Variants in KAZN observed in about 807,000 individuals in gnomAD.
KAZN encodes the protein kazrin, periplakin interacting protein.
Under a neutral mutation model 87.4 loss-of-function variants are expected in KAZN, and 40 were observed. The observed-to-expected ratio is 0.46, with a 90% CI of 0.36 to 0.60. The LOEUF (loss-of-function observed/expected upper bound fraction) is 0.60, where lower values mean the gene tolerates loss of function less well. Among genes scored for constraint, KAZN ranks in the 20% least tolerant of loss-of-function variants. The probability of loss-of-function intolerance (pLI) is 0.00; values close to 1 mark genes in which losing one functional copy is unlikely to be tolerated. For missense variants in KAZN, 898 were observed against 1,073.9 expected (o/e 0.84, Z 2.29); for synonymous variants, 466 against 458.3 (o/e 1.02, Z -0.22).
chr1:14,604,551 G>A (rs1008577564), intron 1 of KAZN, among the ~76,000 whole-genome samples: 15 of 152,364 alleles, frequency 9.8e-5, no homozygotes, highest in Non-Finnish European at 2.2e-4. Flanking sequence ...TGGAGGCGAG[G>A]TTGTGCTCTG....
intron 2 of KAZN, among the ~76,000 whole-genome samples, chr1:15,012,892 G>A (rs938251): frequency 0.81 from 123,385 of 152,122 alleles, 50,585 homozygotes; most frequent in South Asian, 0.88. Flanking sequence ...ACTTAACTCC[G>A]GCCTCGGCAA....
At chr1:14,861,173 T>C (rs1650803866) in intron 1 of KAZN, among the ~76,000 whole-genome samples, 1 of 152,202 alleles carries the variant, frequency 6.6e-6, no homozygotes, top group Non-Finnish European at 1.5e-5. Flanking sequence ...AGGTCAGGAA[T>C]TTGAGACCAG....
intron 1 of KAZN, among the ~76,000 whole-genome samples, chr1:14,826,704 T>C (rs535973576): frequency 6.6e-6 from 1 of 152,294 alleles, no homozygotes; most frequent in Admixed American, 6.5e-5. Flanking sequence ...TCTCGGTTTT[T>C]ACAGAACCTG....
At chr1:14,433,604 T>C (rs749382500) in intron 2 of KAZN, among the ~76,000 whole-genome samples, 5 of 152,154 alleles carry the variant, frequency 3.3e-5, no homozygotes, top group Non-Finnish European at 5.9e-5. Context: ...AAGCCTGTAA[T>C]CCCAGCACTT....
intron 2 of KAZN, among the ~76,000 whole-genome samples, chr1:14,231,231 T>TC (rs1647798355): frequency 6.6e-6 from 1 of 152,216 alleles, no homozygotes; most frequent in South Asian, 2.1e-4. Flanking sequence ...GAGATGACTG[T>TC]CATCAAATGA....
intron 2 of KAZN, among the ~76,000 whole-genome samples, chr1:14,999,501 T>TCCC (rs1049861453): frequency 4.0e-5 from 3 of 74,668 alleles, no homozygotes; most frequent in African/African-American, 2.2e-4. Context: ...CCTGCCCCCC[T>TCCC]CCCCCCGCCC....
chr1:14,730,303 C>T (rs994558782), intron 1 of KAZN, among the ~76,000 whole-genome samples: 4 of 152,132 alleles, frequency 2.6e-5, no homozygotes, highest in Admixed American at 6.5e-5. Flanking sequence ...AGGCTGGTCT[C>T]GAACTCCTGA....
intron 1 of KAZN, among the ~76,000 whole-genome samples, chr1:14,061,183 A>C (rs984326076): frequency 2.0e-5 from 3 of 152,216 alleles, no homozygotes; most frequent in Admixed American, 6.5e-5. Context: ...ACCAGTGCTC[A>C]CAGCCTGTGA....
intron 1 of KAZN, among the ~76,000 whole-genome samples, chr1:14,734,296 CTTTTTTCTTTTCTT>C (rs1421478414): frequency 7.5e-6 from 1 of 132,730 alleles, no homozygotes; most frequent in African/African-American, 2.9e-5. Flanking sequence ...CTGTGTTTTT[CTTTTTTCTTTTCTT>C]TTTTTTTTTT....
intron 2 of KAZN, among the ~76,000 whole-genome samples, chr1:14,291,342 A>C (rs1016303380): frequency 9.9e-5 from 15 of 152,178 alleles, no homozygotes; most frequent in Admixed American, 8.5e-4. Flanking sequence ...GCCTCCATCC[A>C]GTTCGAGCTT....
At chr1:14,435,732 T>TG (rs1666344084) in intron 2 of KAZN, among the ~76,000 whole-genome samples, 2 of 152,090 alleles carry the variant, frequency 1.3e-5, no homozygotes. Context: ...CATCTTAGAA[T>TG]GGGGATGATG....
chr1:14,396,538 A>C (rs1662917252), intron 2 of KAZN, among the ~76,000 whole-genome samples: 1 of 152,250 alleles, frequency 6.6e-6, no homozygotes, highest in African/African-American at 2.4e-5. Context: ...AACACGTGAG[A>C]ATTTTCCAAA....
intron 2 of KAZN, among the ~76,000 whole-genome samples, chr1:14,235,785 T>C (rs1240325460): frequency 6.6e-6 from 1 of 152,158 alleles, no homozygotes; most frequent in Non-Finnish European, 1.5e-5. Context: ...ATTTAAATAA[T>C]TGTTGATGCG....
chr1:14,148,001 C>A (rs747102487), intron 1 of KAZN, among the ~76,000 whole-genome samples: 1 of 152,064 alleles, frequency 6.6e-6, no homozygotes, highest in Non-Finnish European at 1.5e-5. Flanking sequence ...GGGAGGATCA[C>A]TTGAGCCCAG....
At chr1:14,323,157 T>C (rs1656165734) in intron 2 of KAZN, among the ~76,000 whole-genome samples, 1 of 151,466 alleles carries the variant, frequency 6.6e-6, no homozygotes, top group Admixed American at 6.6e-5. Flanking sequence ...ATTATGGGGA[T>C]TACAATTCAA....
At chr1:14,048,828 T>A (rs960918303) in intron 1 of KAZN, among the ~76,000 whole-genome samples, 2 of 152,184 alleles carry the variant, frequency 1.3e-5, no homozygotes, top group African/African-American at 4.8e-5. Context: ...TAGTTCTAGA[T>A]CCCTGAGGAA....
At chr1:14,129,473 GC>G (rs1644945337) in intron 1 of KAZN, among the ~76,000 whole-genome samples, 1 of 152,198 alleles carries the variant, frequency 6.6e-6, no homozygotes, top group Non-Finnish European at 1.5e-5. Context: ...ACTGCCCTGT[GC>G]CTCCCACCCG....
At chr1:13,969,500 G>A (rs1443080924) in intron 1 of KAZN, among the ~76,000 whole-genome samples, 1 of 152,192 alleles carries the variant, frequency 6.6e-6, no homozygotes, top group African/African-American at 2.4e-5. Flanking sequence ...TGAGAGGCAT[G>A]AAACAGATTC....
At chr1:14,385,885 G>C (rs997999264) in intron 2 of KAZN, among the ~76,000 whole-genome samples, 5 of 147,856 alleles carry the variant, frequency 3.4e-5, no homozygotes, top group African/African-American at 5.0e-5. Context: ...TTTCTGTCTC[G>C]TTGATCTGTC....
Sources: gnomAD v4.1 joint callset for allele counts (sites outside exome capture counted in the v4.1 genomes callset) on GRCh38, gnomAD v4.1.1 for gene constraint, MANE v1.5 for transcripts, NCBI Gene and HGNC (gene_info 2026-07-23, HGNC 2026-07-21) for gene names.